The following BCL2 variants were observed in gnomAD, a reference collection of about 807,000 sequenced individuals.
BCL2 encodes the protein BCL2 apoptosis regulator.
A neutral mutation model predicts 14.2 loss-of-function variants in BCL2; 1 was observed. The ratio of observed to expected loss-of-function variants is 0.07; its 90% CI spans 0.02 to 0.33. The LOEUF is 0.33. BCL2 is among the 10% of genes least tolerant of loss of function. The pLI is 0.99. For synonymous variants in BCL2, 151 were observed against 137.2 expected (o/e 1.10, Z -0.70); for missense variants, 247 against 305.9 (o/e 0.81, Z 1.44).
intron 2 of BCL2, among the ~76,000 whole-genome samples, chr18:63,200,053 T>G (rs1909646354): frequency 6.6e-6 from 1 of 152,214 alleles, no homozygotes; most frequent in African/African-American, 2.4e-5. Flanking sequence ...CTCTGACTGT[T>G]TCCAACATGT....
At chr18:63,147,956 A>T (rs73469304) in intron 2 of BCL2, among the ~76,000 whole-genome samples, 9,265 of 152,210 alleles carry the variant, frequency 0.061, 459 homozygotes, top group African/African-American at 0.14. Context: ...AAGTTTCCAC[A>T]TTTAAGTCTT....
chr18:63,220,205 C>T (rs1019345466), intron 2 of BCL2, among the ~76,000 whole-genome samples: 1 of 152,172 alleles, frequency 6.6e-6, no homozygotes, highest in African/African-American at 2.4e-5. Flanking sequence ...GTTTGAAAGA[C>T]TGGTATCAAG....
chr18:63,288,853 C>T (rs746893718), intron 2 of BCL2, among the ~76,000 whole-genome samples: 10 of 151,782 alleles, frequency 6.6e-5, no homozygotes, highest in Non-Finnish European at 1.2e-4. Context: ...AAAGTGAATG[C>T]AAAGATGGTG....
chr18:63,181,849 A>G (rs1915486969), intron 2 of BCL2, among the ~76,000 whole-genome samples: 1 of 152,208 alleles, frequency 6.6e-6, no homozygotes, highest in Admixed American at 6.5e-5. Context: ...GGGCAGATGC[A>G]TGCAGGTTCC....
At chr18:63,317,738 C>A in intron 2 of BCL2, 1 of 1,138,926 alleles carries the variant, frequency 8.8e-7, no homozygotes, top group Non-Finnish European at 1.1e-6. Context: ...CAACAAGCTG[C>A]TCAAGCCAGG....
At chr18:63,155,446 GC>G (rs746499104) in intron 2 of BCL2, among the ~76,000 whole-genome samples, 1 of 152,072 alleles carries the variant, frequency 6.6e-6, no homozygotes, top group Non-Finnish European at 1.5e-5. Flanking sequence ...CGTGGGGAGG[GC>G]CCTTAGTGGG....
At chr18:63,208,064 C>T in intron 2 of BCL2, 1 of 152,224 alleles carries the variant, frequency 6.6e-6, no homozygotes, top group East Asian at 1.9e-4. Flanking sequence ...ACTTCCTCTT[C>T]TTCTCTGATA....
intron 2 of BCL2, among the ~76,000 whole-genome samples, chr18:63,248,209 G>A (rs1411908511): frequency 6.6e-6 from 1 of 151,876 alleles, no homozygotes; most frequent in Non-Finnish European, 1.5e-5. Context: ...AGGCCTAACA[G>A]GCAGAAAAAT....
intron 2 of BCL2, among the ~76,000 whole-genome samples, chr18:63,206,610 C>T (rs1364600505): frequency 2.0e-5 from 3 of 152,210 alleles, no homozygotes; most frequent in Non-Finnish European, 4.4e-5. Context: ...TCCAGGTGTG[C>T]CTTCGCCACA....
At chr18:63,186,953 T>C (rs1455386018) in intron 2 of BCL2, among the ~76,000 whole-genome samples, 1 of 152,254 alleles carries the variant, frequency 6.6e-6, no homozygotes. Context: ...AGCTGGGGCA[T>C]TCTGTTTTCT....
At chr18:63,165,643 G>C (rs1013303978) in intron 2 of BCL2, among the ~76,000 whole-genome samples, 2 of 152,214 alleles carry the variant, frequency 1.3e-5, no homozygotes, top group African/African-American at 4.8e-5. Context: ...CTGACTCCTT[G>C]GGGGTGAAGG....
intron 2 of BCL2, among the ~76,000 whole-genome samples, chr18:63,250,565 G>A (rs1168439661): frequency 6.6e-6 from 1 of 152,222 alleles, no homozygotes; most frequent in Non-Finnish European, 1.5e-5. Flanking sequence ...AAAGCCGTTG[G>A]AGTCTTAATG....
intron 2 of BCL2, among the ~76,000 whole-genome samples, chr18:63,237,314 T>C (rs1177093359): frequency 1.3e-5 from 2 of 152,170 alleles, no homozygotes; most frequent in Non-Finnish European, 2.9e-5. Context: ...ATGCACATTT[T>C]AGGCTGGAAA....
intron 2 of BCL2, among the ~76,000 whole-genome samples, chr18:63,179,308 G>C (rs1001044242): frequency 6.6e-6 from 1 of 152,202 alleles, no homozygotes; most frequent in East Asian, 1.9e-4. Context: ...CAGAAAAGGA[G>C]AGAATTTGAG....
intron 2 of BCL2, among the ~76,000 whole-genome samples, chr18:63,290,027 G>T (rs1361436575): frequency 6.6e-6 from 1 of 152,190 alleles, no homozygotes; most frequent in African/African-American, 2.4e-5. Context: ...AGCAAGACCA[G>T]TGAGGGAGGA....
At chr18:63,262,739 T>C (rs1373262587) in intron 2 of BCL2, among the ~76,000 whole-genome samples, 3 of 152,166 alleles carry the variant, frequency 2.0e-5, no homozygotes, top group Non-Finnish European at 2.9e-5. Context: ...AATTCCAGGC[T>C]AGGGGTCAGT....
At chr18:63,245,704 A>G (rs1390979315) in intron 2 of BCL2, among the ~76,000 whole-genome samples, 1 of 152,120 alleles carries the variant, frequency 6.6e-6, no homozygotes, top group East Asian at 1.9e-4. Flanking sequence ...TGCTATATAC[A>G]TGATACCATT....
At chr18:63,241,340 G>A (rs1311844620) in intron 2 of BCL2, among the ~76,000 whole-genome samples, 1 of 152,154 alleles carries the variant, frequency 6.6e-6, no homozygotes, top group Non-Finnish European at 1.5e-5. Context: ...CAATCACAAA[G>A]CACATATGGA....
rs1200458133 is a variant in BCL2, at chr18:63,318,044, T to C, written c.585+38A>G. 2 of 1,605,156 alleles carry C rather than the reference T, an allele frequency of 1.2e-6. No homozygotes were observed. Among genetic ancestry groups the C allele is most frequent in the Middle Eastern group, 1.7e-4 (1 of 6,042 alleles). ...CTCCAACCCCCGCATCTCGGACCTG[T>C]GGCCTCAGCCCAGACTCACATCACC... On this transcript the variant is annotated intron_variant, in intron 2 of 2. Transcript: ENST00000333681. This position sits in a 1 kb window ranked among gnomAD's most constrained non-coding sequence, Gnocchi z 7.4.
Sources: allele counts gnomAD v4.1 joint callset (sites outside exome capture counted in the v4.1 genomes callset), GRCh38; gene constraint gnomAD v4.1.1; non-coding constraint Gnocchi (gnomAD v3.1); transcripts MANE v1.5; gene names NCBI Gene and HGNC (gene_info 2026-07-23, HGNC 2026-07-21).